SPAG16: variants seen among roughly 807,000 people sequenced by gnomAD.
SPAG16 encodes the protein sperm-associated antigen 16 protein.
SPAG16 carries 86 observed loss-of-function variants against 80.4 expected under a neutral mutation model. The observed-to-expected ratio is 1.07, with a 90% confidence interval of 0.90 to 1.28. The LOEUF is 1.28. Among genes scored for constraint, SPAG16 ranks in the 50% most tolerant of loss-of-function variants. The probability of loss-of-function intolerance (pLI) is 0.00; values close to 1 mark genes in which losing one functional copy is unlikely to be tolerated. For missense variants in SPAG16, 870 were observed against 765.3 expected (o/e 1.14, Z -1.61); for synonymous variants, 294 against 265.9 (o/e 1.11, Z -1.03).
chr2:213,620,795 TTTTA>T (rs2061755703), intron 10 of SPAG16, among the ~76,000 whole-genome samples: 1 of 152,172 alleles, frequency 6.6e-6, no homozygotes, highest in Non-Finnish European at 1.5e-5. Flanking sequence ...ATGTTTATGC[TTTTA>T]TTGTCAAATG....
intron 13 of SPAG16, among the ~76,000 whole-genome samples, chr2:214,072,100 T>C (rs1475097472): frequency 6.6e-6 from 1 of 152,126 alleles, no homozygotes; most frequent in African/African-American, 2.4e-5. Flanking sequence ...GCTGCACTTT[T>C]CTAAAGATAA....
chr2:213,876,392 A>T (rs976792389), intron 11 of SPAG16, among the ~76,000 whole-genome samples: 1 of 151,904 alleles, frequency 6.6e-6, no homozygotes, highest in Non-Finnish European at 1.5e-5. Flanking sequence ...TACACATTGC[A>T]AACCTATTTT....
intron 14 of SPAG16, among the ~76,000 whole-genome samples, chr2:214,125,573 T>C (rs1348010352): frequency 6.6e-6 from 1 of 151,802 alleles, no homozygotes; most frequent in Non-Finnish European, 1.5e-5. Flanking sequence ...GACAGTCTGT[T>C]AGAAATAATT....
intron 10 of SPAG16, among the ~76,000 whole-genome samples, chr2:213,772,450 A>G (rs548686490): frequency 6.6e-6 from 1 of 152,158 alleles, no homozygotes; most frequent in African/African-American, 2.4e-5. Flanking sequence ...ATCTTCTAAC[A>G]TAAGGTCAAA....
intron 15 of SPAG16, among the ~76,000 whole-genome samples, chr2:214,217,906 C>G (rs1035944522): frequency 9.2e-5 from 14 of 152,100 alleles, no homozygotes; most frequent in African/African-American, 3.1e-4. Context: ...CTTCTGTCTC[C>G]AACCCTTTTT....
Position 213,413,607 on chromosome 2 carries a change from A to G in SPAG16, c.942+38488A>G, listed in dbSNP as rs549227583. Among the ~76,000 whole-genome samples, 99 of 152,264 alleles carry G rather than the reference A, an allele frequency of 6.5e-4. 1 individual carries two copies. Among genetic ancestry groups the G allele is most frequent in the Non-Finnish European group, 1.0e-3 (69 of 67,980 alleles). On this transcript the variant is annotated intron_variant, in intron 9 of 15. Transcript: ENST00000331683. ...TATATTTTAAATATGTTTTTAAAAG[A>G]TATTACGAGCCAAGCACTTGTAGCA...
chr2:213,585,261 T>C (rs2060429367), intron 10 of SPAG16, among the ~76,000 whole-genome samples: 2 of 145,168 alleles, frequency 1.4e-5, no homozygotes, highest in South Asian at 2.2e-4. Context: ...TTCCTGACTT[T>C]TACATATGAA....
intron 15 of SPAG16, among the ~76,000 whole-genome samples, chr2:214,307,547 T>G (rs1026235090): frequency 2.0e-5 from 3 of 152,144 alleles, no homozygotes; most frequent in African/African-American, 7.2e-5. Flanking sequence ...TAAATTTCCC[T>G]CTTAACACTG....
rs758198227 is a variant in SPAG16 at position 213,284,510 on chromosome 2, C to G, written c.27C>G (p.Ser9Arg). 3.8e-6 allele frequency: 6 copies of G among 1,579,882 alleles called. No homozygotes were observed. Among genetic ancestry groups the G allele is most frequent in the Non-Finnish European group, 5.2e-6 (6 of 1,163,328 alleles). Residue 9 changes from serine (S) to arginine (R), a missense_variant, in exon 1 of 16, where the codon AGC becomes AGG. Coordinates refer to ENST00000331683, the MANE Select transcript of SPAG16 (RefSeq NM_024532.5). MAAQRGMP[S>R]SAVRVLEEAL... ...TGGCTGCTCAGCGAGGGATGCCCAG[C>G]TCCGCCGTGAGGGTCCTGGAAGAGG...
intron 13 of SPAG16, among the ~76,000 whole-genome samples, chr2:214,037,779 A>T (rs1041438922): frequency 6.6e-6 from 1 of 151,848 alleles, no homozygotes; most frequent in Non-Finnish European, 1.5e-5. Flanking sequence ...AATTTTTCCC[A>T]TATTTAATGC....
chr2:213,408,179 T>A (rs746282511), intron 9 of SPAG16, among the ~76,000 whole-genome samples: 17 of 152,242 alleles, frequency 1.1e-4, no homozygotes, highest in Middle Eastern at 3.4e-3. Context: ...ATTTAAAACC[T>A]ATAATTGATA....
intron 15 of SPAG16, among the ~76,000 whole-genome samples, chr2:214,209,640 G>A (rs1455844207): frequency 6.6e-6 from 1 of 152,104 alleles, no homozygotes; most frequent in African/African-American, 2.4e-5. Flanking sequence ...GAGGTTTCTA[G>A]CCTTTGGTTC....
intron 12 of SPAG16, among the ~76,000 whole-genome samples, chr2:213,961,270 C>G (rs1205033929): frequency 6.6e-6 from 1 of 152,086 alleles, no homozygotes; most frequent in Non-Finnish European, 1.5e-5. Context: ...TGTAACCTTG[C>G]TGAATTTGTT....
At chr2:213,827,474 CTAT>C in intron 10 of SPAG16, among the ~76,000 whole-genome samples, 1 of 152,086 alleles carries the variant, frequency 6.6e-6, no homozygotes, top group East Asian at 1.9e-4. Context: ...TCTACATATA[CTAT>C]GTCTTGAAAA....
chr2:213,573,656 G>T (rs573530227), intron 10 of SPAG16, among the ~76,000 whole-genome samples: 1 of 151,856 alleles, frequency 6.6e-6, no homozygotes, highest in East Asian at 1.9e-4. Flanking sequence ...ATTTTTATAC[G>T]TATTTTAAGT....
chr2:213,300,716 A>G (rs987600750), intron 3 of SPAG16, among the ~76,000 whole-genome samples: 1 of 152,156 alleles, frequency 6.6e-6, no homozygotes, highest in African/African-American at 2.4e-5. Flanking sequence ...GTTTTGCTAT[A>G]GTTATTTTAA....
intron 13 of SPAG16, among the ~76,000 whole-genome samples, chr2:214,084,871 C>T (rs2051616157): frequency 6.6e-6 from 1 of 152,188 alleles, no homozygotes; most frequent in Non-Finnish European, 1.5e-5. Flanking sequence ...CAGAATAAAA[C>T]AATATCTCTT....
At chr2:213,696,979 A>G (rs1426136549) in intron 10 of SPAG16, among the ~76,000 whole-genome samples, 1 of 152,198 alleles carries the variant, frequency 6.6e-6, no homozygotes, top group Non-Finnish European at 1.5e-5. Context: ...AAACAAATTG[A>G]TGATGTAGGA....
chr2:213,675,205 G>C (rs1277127069), intron 10 of SPAG16, among the ~76,000 whole-genome samples: 1 of 152,160 alleles, frequency 6.6e-6, no homozygotes, highest in East Asian at 1.9e-4. Context: ...GTCTGTTCAT[G>C]TCCTTCGCCC....
Sources: allele counts gnomAD v4.1 joint callset (sites outside exome capture counted in the v4.1 genomes callset), GRCh38; gene constraint gnomAD v4.1.1; transcripts MANE v1.5; gene names NCBI Gene and HGNC (gene_info 2026-07-23, HGNC 2026-07-21).